Variants in TJP1 observed in about 807,000 individuals in gnomAD.
The protein encoded by TJP1 is tight junction protein ZO-1.
Under a neutral mutation model 194.2 loss-of-function variants are expected in TJP1, and 43 were observed. That is an observed-to-expected ratio of 0.22 (90% CI 0.17 to 0.29). The LOEUF (loss-of-function observed/expected upper bound fraction) is 0.29, where lower values mean the gene tolerates loss of function less well. Ranked by LOEUF, TJP1 falls within the 10% of genes least tolerant of loss-of-function variation. The probability of loss-of-function intolerance (pLI) is 1.00; values close to 1 mark genes in which losing one functional copy is unlikely to be tolerated. For synonymous variants in TJP1, 801 were observed against 779.0 expected (o/e 1.03, Z -0.47); for missense variants, 1,971 against 2,185.7 (o/e 0.90, Z 1.96).
At chr15:29,834,651 T>G (rs2050965883) in intron 2 of TJP1, among the ~76,000 whole-genome samples, 1 of 152,224 alleles carries the variant, frequency 6.6e-6, no homozygotes, top group Admixed American at 6.5e-5. Context: ...TTAAATATGG[T>G]GAACGGAAAG....
chr15:29,939,950 A>G lies in TJP1; in HGVS notation c.306+16282T>C, dbSNP rs533615171. Among the ~76,000 whole-genome samples the G allele has an allele frequency of 3.3e-5, 5 of 152,246 alleles. No individual in the cohort carries two copies. The South Asian group carries it at 6.2e-4, about 19-fold the overall frequency. ...ACCCCCCAACCCCCCAGTTTATGATATTATGTTATAGCAGGCAAAAAGCAT... is the reference window on the plus strand; with the variant it reads ...ACCCCCCAACCCCCCAGTTTATGATGTTATGTTATAGCAGGCAAAAAGCAT... On this transcript the variant is annotated intron_variant, in intron 2 of 28. Coordinates refer to the TJP1 transcript ENST00000356107.
At chr15:29,722,709 C>T (rs2043007350) in intron 18 of TJP1, among the ~76,000 whole-genome samples, 1 of 152,166 alleles carries the variant, frequency 6.6e-6, no homozygotes, top group African/African-American at 2.4e-5. Context: ...GGTCCACCAA[C>T]AGCATGCACC....
Position 29,708,836 on chromosome 15 carries a change from T to C in TJP1, c.4573A>G (p.Asn1525Asp), listed in dbSNP as rs200206803. ...QTQKTVTPAYNRFTPKPYTSS... is the reference protein window; with the variant it reads ...QTQKTVTPAYDRFTPKPYTSS... ...GTATATGGTTTTGGTGTGAATCGATTGTATGCTGGAGTGACTGTTTTCTGA... is the reference window on the plus strand; with the variant it reads ...GTATATGGTTTTGGTGTGAATCGATCGTATGCTGGAGTGACTGTTTTCTGA... The change falls in exon 25 of 28, where the codon AAT (asparagine) becomes GAT (aspartate). Residue 1525 changes from asparagine to aspartate, a missense_variant. Physicochemically the swap from Asn to Asp is conservative, Grantham distance 23. Coordinates refer to ENST00000614355, the MANE Select transcript of TJP1 (RefSeq NM_001330239.4). The C allele has an allele frequency of 9.3e-6, 15 of 1,614,208 alleles. No homozygotes were observed. Among genetic ancestry groups the C allele is most frequent in the East Asian group, 2.2e-5 (1 of 44,888 alleles).
chr15:29,893,593 G>A (rs931868990), intron 2 of TJP1, among the ~76,000 whole-genome samples: 1 of 152,092 alleles, frequency 6.6e-6, no homozygotes, highest in African/African-American at 2.4e-5. Context: ...CAACAACCTC[G>A]AGTCAAGACC....
intron 2 of TJP1, among the ~76,000 whole-genome samples, chr15:29,913,300 A>G (rs1432175044): frequency 6.6e-6 from 1 of 152,242 alleles, no homozygotes; most frequent in East Asian, 1.9e-4. Flanking sequence ...AAGGACTGAC[A>G]TGACTAAATC....
chr15:29,938,746 T>A (rs1207159037), intron 2 of TJP1, among the ~76,000 whole-genome samples: 1 of 152,228 alleles, frequency 6.6e-6, no homozygotes, highest in African/African-American at 2.4e-5. Flanking sequence ...ATTATCCCAC[T>A]TTCATCTCCA....
intron 2 of TJP1, among the ~76,000 whole-genome samples, chr15:29,878,467 A>G (rs569790142): frequency 5.3e-5 from 8 of 152,328 alleles, no homozygotes; most frequent in Non-Finnish European, 8.8e-5. Flanking sequence ...CTTGGGAAGC[A>G]GCTGATATAT....
intron 15 of TJP1, among the ~76,000 whole-genome samples, chr15:29,730,102 C>T (rs946823636): frequency 6.6e-6 from 1 of 151,750 alleles, no homozygotes; most frequent in Non-Finnish European, 1.5e-5. Flanking sequence ...TATGCCATTA[C>T]CTATGAAAAA....
intron 23 of TJP1, among the ~76,000 whole-genome samples, chr15:29,715,627 G>A (rs2042517665): frequency 1.3e-5 from 2 of 152,144 alleles, no homozygotes; most frequent in African/African-American, 4.8e-5. Flanking sequence ...ATTCTAATAT[G>A]TCAATCTGGC....
rs1434214063 is a variant in TJP1 at position 29,730,787 on chromosome 15, C to T, written c.2017+1646G>A. On this transcript the variant is annotated intron_variant, in intron 15 of 27. Transcript: ENST00000614355. ...TGAAGGACGAACCACAGAGAAGATCCGCGAGGTTGTCTGCTAAACCTGCTC... is the reference window on the plus strand; with the variant it reads ...TGAAGGACGAACCACAGAGAAGATCTGCGAGGTTGTCTGCTAAACCTGCTC... 21 of 776,528 alleles carry T rather than the reference C, an allele frequency of 2.7e-5. 1 individual carries two copies. Among genetic ancestry groups the T allele is most frequent in the Middle Eastern group, 2.3e-4 (1 of 4,420 alleles). 48.1% of individuals were successfully genotyped at this position (776,528 alleles called of 1,614,324 possible).
At chr15:29,915,805 T>A (rs1213306797) in intron 2 of TJP1, among the ~76,000 whole-genome samples, 3 of 150,218 alleles carry the variant, frequency 2.0e-5, no homozygotes, top group Non-Finnish European at 4.5e-5. Context: ...GTAGCTACTT[T>A]CTTTGTTTTG....
At chr15:29,947,066 A>G (rs936277474) in intron 2 of TJP1, among the ~76,000 whole-genome samples, 18 of 152,326 alleles carry the variant, frequency 1.2e-4, no homozygotes, top group African/African-American at 4.1e-4. Flanking sequence ...GCCTTCGTAA[A>G]CTGAACACAA....
intron 2 of TJP1, among the ~76,000 whole-genome samples, chr15:29,788,720 A>C (rs2047870254): frequency 6.6e-6 from 1 of 152,214 alleles, no homozygotes; most frequent in Non-Finnish European, 1.5e-5. Context: ...CAAATATTTA[A>C]TCTTTTACAT....
intron 18 of TJP1, among the ~76,000 whole-genome samples, chr15:29,724,764 T>C (rs2043141580): frequency 6.6e-6 from 1 of 152,248 alleles, no homozygotes; most frequent in South Asian, 2.1e-4. Flanking sequence ...CTGTAAGTTG[T>C]AACAACCTTT....
chr15:29,858,595 G>T (rs968382125), intron 2 of TJP1, among the ~76,000 whole-genome samples: 2 of 151,928 alleles, frequency 1.3e-5, no homozygotes, highest in African/African-American at 4.8e-5. Flanking sequence ...TCAGGCTGGA[G>T]TACAGTGCCA....
chr15:29,911,266 A>G (rs2054002488), intron 2 of TJP1, among the ~76,000 whole-genome samples: 1 of 152,184 alleles, frequency 6.6e-6, no homozygotes, highest in Admixed American at 6.5e-5. Flanking sequence ...CAAAACCCAG[A>G]GGCTGACAGA....
rs189742791 is a variant in TJP1 at position 29,895,767 on chromosome 15, C to T, written c.306+60465G>A. On this transcript the variant is annotated intron_variant, in intron 2 of 28. Transcript: ENST00000356107. ...CATTTCTAGGCATTTGTTATAACAA[C>T]AACCACACTCCCAGTACCAGTTTCT... Among the ~76,000 whole-genome samples the T allele has an allele frequency of 4.7e-4, 72 of 152,308 alleles. 1 individual carries two copies. In the East Asian group the frequency reaches 0.012, roughly 26 times the overall value.
chr15:29,714,209 T>G (rs569413483), intron 23 of TJP1, among the ~76,000 whole-genome samples: 62 of 152,162 alleles, frequency 4.1e-4, no homozygotes, highest in African/African-American at 1.5e-3. Context: ...ATTGATTCCC[T>G]GGCAAAACAA....
At chr15:29,807,847 C>T (rs936297195) in intron 1 of TJP1, among the ~76,000 whole-genome samples, 5 of 152,072 alleles carry the variant, frequency 3.3e-5, no homozygotes, top group Middle Eastern at 3.4e-3. Flanking sequence ...AAAATATTTA[C>T]GTACTCAGAA....
Sources: gnomAD v4.1 joint callset for allele counts (sites outside exome capture counted in the v4.1 genomes callset) on GRCh38, gnomAD v4.1.1 for gene constraint, MANE v1.5 for transcripts, NCBI Gene and HGNC (gene_info 2026-07-23, HGNC 2026-07-21) for gene names.